The following CYP27C1 variants were observed in gnomAD, a reference collection of about 807,000 sequenced individuals.
CYP27C1 encodes the protein cytochrome P450 family 27 subfamily C member 1, also known as cytochrome P450 27C1.
Under a neutral mutation model 40.6 loss-of-function variants are expected in CYP27C1, and 29 were observed. The ratio of observed to expected loss-of-function variants is 0.71; its 90% CI spans 0.53 to 0.97. CYP27C1 has a LOEUF of 0.97. Among genes scored for constraint, CYP27C1 ranks in the 50% least tolerant of loss-of-function variants. The pLI, the probability that CYP27C1 is intolerant of heterozygous loss-of-function variation, is 0.00. For synonymous variants in CYP27C1, 198 were observed against 186.8 expected (o/e 1.06, Z -0.49); for missense variants, 390 against 485.8 (o/e 0.80, Z 1.85).
chr2:127,208,604 C>G lies in CYP27C1; in HGVS notation c.283-2514G>C, dbSNP rs1344346385. Among the ~76,000 whole-genome samples, 1 of 152,240 alleles carries G rather than the reference C, an allele frequency of 6.6e-6. No individual in the cohort carries two copies. Among genetic ancestry groups the G allele is most frequent in the Non-Finnish European group, 1.5e-5 (1 of 68,042 alleles). ...GACTCACAACTGCCAACAGGCTAAG[C>G]TCCCTGGGTTGGGGAAGGGTGGCAC... is the stretch of plus-strand genomic sequence containing the variant. On this transcript the variant is annotated intron_variant, in intron 1 of 8. Coordinates refer to ENST00000664447, the MANE Select transcript of CYP27C1 (RefSeq NM_001367502.1). This position sits in a 1 kb window ranked among gnomAD's most constrained non-coding sequence, Gnocchi z 5.2.
In CYP27C1 at chr2:127,195,935, C is replaced by T. The variant is rs577677832; in HGVS notation, c.1048-434G>A. On this transcript the variant is annotated intron_variant, in intron 5 of 8. Coordinates refer to ENST00000664447, the MANE Select transcript of CYP27C1 (RefSeq NM_001367502.1). The surrounding 1 kb of genome is among the most constrained non-coding windows in gnomAD (Gnocchi z 6.2). ...CCCGGCATCCCCAGGATGCTGGGCC[C>T]GGCCCACTCTGGCTGCCCTAATCTA... 7.9e-5 allele frequency among the ~76,000 whole-genome samples: 12 copies of T among 152,316 alleles called. No homozygotes were observed. Among genetic ancestry groups the T allele is most frequent in the African/African-American group, 2.4e-4 (10 of 41,584 alleles).
In CYP27C1 at chr2:127,196,840, G is replaced by C. The variant is rs1448907411; in HGVS notation, c.1048-1339C>G. ...TTCTTCTGAGTGCAGGAAGCCAGATGGAAAAGACAGCATGCTATATGATTC... is the reference window on the plus strand; with the variant it reads ...TTCTTCTGAGTGCAGGAAGCCAGATCGAAAAGACAGCATGCTATATGATTC... On this transcript the variant is annotated intron_variant, in intron 5 of 8. Coordinates refer to ENST00000664447, the MANE Select transcript of CYP27C1 (RefSeq NM_001367502.1). This position sits in a 1 kb window ranked among gnomAD's most constrained non-coding sequence, Gnocchi z 4.5. 1.3e-5 allele frequency among the ~76,000 whole-genome samples: 2 copies of C among 152,134 alleles called. No homozygotes were observed. The highest frequency in any genetic ancestry group is 4.8e-5 in the African/African-American group (2 of 41,418).
At position 127,209,583 on chromosome 2, in the gene CYP27C1, G is replaced by T. The variant is rs1235679831; in HGVS notation, c.283-3493C>A. On this transcript the variant is annotated intron_variant, in intron 1 of 8. Transcript: ENST00000664447. This position sits in a 1 kb window ranked among gnomAD's most constrained non-coding sequence, Gnocchi z 4.1. ...AAACTGCGATGACCTAAAGGAGCAT[G>T]TTCTAACACAATGCAAAGAAGCTAA... Among the ~76,000 whole-genome samples the T allele has an allele frequency of 2.6e-5, 4 of 152,300 alleles. No homozygotes were observed. The highest frequency in any genetic ancestry group is 5.9e-5 in the Non-Finnish European group (4 of 68,034).
chr2:127,204,236 A>G (rs1020521289), intron 2 of CYP27C1, among the ~76,000 whole-genome samples: 1 of 146,936 alleles, frequency 6.8e-6, no homozygotes, highest in Admixed American at 6.9e-5. Context: ...ATTGCACTCC[A>G]GCCTAGGCGA....
Position 127,209,343 on chromosome 2 carries a change from C to G in CYP27C1, c.283-3253G>C, listed in dbSNP as rs914017390. Among the ~76,000 whole-genome samples, 1 of 152,152 alleles carries G rather than the reference C, an allele frequency of 6.6e-6. No homozygotes were observed. Among genetic ancestry groups the G allele is most frequent in the Non-Finnish European group, 1.5e-5 (1 of 68,032 alleles). ...TAACAACAACAAAAAAAGGCCCCCA[C>G]AAAAACCCCATCCAAGGGTCAGCAG... On this transcript the variant is annotated intron_variant, in intron 1 of 8. Coordinates refer to ENST00000664447, the MANE Select transcript of CYP27C1 (RefSeq NM_001367502.1). This position sits in a 1 kb window ranked among gnomAD's most constrained non-coding sequence, Gnocchi z 4.1.
At position 127,193,121 on chromosome 2, in the gene CYP27C1, T is replaced by C. The variant is rs748352822; in HGVS notation, c.1470A>G (p.Glu490=). Reference sequence around the variant, plus strand: ...GGATCACGACGAGGTGAATCTCCAGTTCTGCAATTCTCCGCCCTATGCAGC... The same window carrying C: ...GGATCACGACGAGGTGAATCTCCAGCTCTGCAATTCTCCGCCCTATGCAGC... ...VRSCIGRRIA[E]LEIHLVVIQL... The change falls in exon 8 of 9, where the codon GAA becomes GAG. Residue 490 remains glutamate, a synonymous_variant. Coordinates refer to ENST00000664447, the MANE Select transcript of CYP27C1 (RefSeq NM_001367502.1). 6.2e-7 allele frequency: 1 copy of C among 1,614,170 alleles called. No individual in the cohort carries two copies. The highest frequency in any genetic ancestry group is 8.5e-7 in the Non-Finnish European group (1 of 1,180,036).
rs879597755 is a variant in CYP27C1 at position 127,200,701 on chromosome 2, CT to C, written c.883+420del. 1.3e-5 allele frequency among the ~76,000 whole-genome samples: 2 copies of C among 152,206 alleles called. No individual in the cohort carries two copies. Among genetic ancestry groups the C allele is most frequent in the Non-Finnish European group, 2.9e-5 (2 of 68,034 alleles). On this transcript the variant is annotated intron_variant, in intron 4 of 8. Coordinates refer to ENST00000664447, the MANE Select transcript of CYP27C1 (RefSeq NM_001367502.1). This position sits in a 1 kb window ranked among gnomAD's most constrained non-coding sequence, Gnocchi z 4.2. ...CCATGGCCAGGCGTGGTGGCTCACA[CT>C]TGTAATCCCAGCACTTTAGGAGGTC...
chr2:127,214,733 G>A lies in CYP27C1; in HGVS notation c.282+5256C>T, dbSNP rs370629080. ...GGTGCAGCAAACCACCATGGTGCAC[G>A]TACACCTATGTAACAAACCTGCATG... On this transcript the variant is annotated intron_variant, in intron 1 of 8. Coordinates refer to ENST00000664447, the MANE Select transcript of CYP27C1 (RefSeq NM_001367502.1). Among the ~76,000 whole-genome samples, 12 of 148,166 alleles carry A rather than the reference G, an allele frequency of 8.1e-5. 1 individual carries two copies. Among genetic ancestry groups the A allele is most frequent in the Non-Finnish European group, 1.5e-5 (1 of 67,520 alleles).
Position 127,204,561 on chromosome 2 carries a change from GAAAGAAAGAAAGAA to G in CYP27C1, c.474-1004_474-991del, listed in dbSNP as rs1683169920. 1.6e-3 allele frequency among the ~76,000 whole-genome samples: 91 copies of G among 56,088 alleles called. 1 individual carries two copies. The highest frequency in any genetic ancestry group is 5.9e-3 in the Middle Eastern group (1 of 170). The allele number at this position is 56,088 out of a possible 152,430, so 36.8% of individuals were successfully genotyped here. A position where few individuals can be genotyped will look rare whatever the true frequency, so the allele number is the denominator to read the frequency against. ...AGAGAGAGAGAGAGAGAGAGAGAAA[GAAAGAAAGAAAGAA>G]AGAAAGAAAGAAAGAAAGAAAGAAA... On this transcript the variant is annotated intron_variant, in intron 2 of 8. Transcript: ENST00000664447.
chr2:127,204,961 T>G (rs1683191855), intron 2 of CYP27C1, among the ~76,000 whole-genome samples: 1 of 152,172 alleles, frequency 6.6e-6, no homozygotes, highest in African/African-American at 2.4e-5. Context: ...CAGATGGACT[T>G]TGGAGGACCC....
chr2:127,191,652 A>G (rs904908902), intron 8 of CYP27C1, among the ~76,000 whole-genome samples: 1 of 152,232 alleles, frequency 6.6e-6, no homozygotes, highest in African/African-American at 2.4e-5. Context: ...TCACACACCT[A>G]TCAGGCAGGG....
rs111989930 is a variant in CYP27C1 at position 127,202,990 on chromosome 2, A to T, written c.673+382T>A. On this transcript the variant is annotated intron_variant, in intron 3 of 8. Transcript: ENST00000664447. Reference sequence around the variant, plus strand: ...GAGACCAGCCTTGCCAACATGGTGAAACACTGTCTCTACTAAAAATACAAA... The same window carrying T: ...GAGACCAGCCTTGCCAACATGGTGATACACTGTCTCTACTAAAAATACAAA... 3.7e-3 allele frequency among the ~76,000 whole-genome samples: 570 copies of T among 152,134 alleles called. 1 individual carries two copies. Among genetic ancestry groups the T allele is most frequent in the African/African-American group, 0.013 (533 of 41,494 alleles).
At chr2:127,194,488 T>C (rs1682857674) in intron 6 of CYP27C1, among the ~76,000 whole-genome samples, 1 of 152,148 alleles carries the variant, frequency 6.6e-6, no homozygotes, top group Admixed American at 6.6e-5. Flanking sequence ...GGAAGGGATG[T>C]AATCCGTCCC....
intron 2 of CYP27C1, 84 bp downstream of exon 2, chr2:127,205,816 T>G: frequency 1.1e-6 from 1 of 949,596 alleles, no homozygotes; most frequent in Non-Finnish European, 1.3e-6. Context: ...AAGAGCTGGC[T>G]TTTAGGAACT....
intron 8 of CYP27C1, among the ~76,000 whole-genome samples, chr2:127,187,625 A>G (rs1682661386): frequency 6.6e-6 from 1 of 152,260 alleles, no homozygotes; most frequent in African/African-American, 2.4e-5. Flanking sequence ...GCAGCTGGGC[A>G]GCCGGTGGGA....
chr2:127,213,888 G>A (rs1316438469), intron 1 of CYP27C1, among the ~76,000 whole-genome samples: 1 of 152,118 alleles, frequency 6.6e-6, no homozygotes, highest in Non-Finnish European at 1.5e-5. Context: ...TACAGAATGG[G>A]AGAAAGTTTT....
chr2:127,186,404 TA>T lies in CYP27C1; in HGVS notation c.*866del, dbSNP rs1682626102. 1 of 151,090 alleles carries T rather than the reference TA, an allele frequency of 6.6e-6. No homozygotes were observed. The highest frequency in any genetic ancestry group is 2.5e-5 in the African/African-American group (1 of 40,690). 9.4% of individuals were successfully genotyped at this position (151,090 alleles called of 1,614,324 possible). On this transcript the variant is annotated 3_prime_UTR_variant, in exon 9 of 9. Coordinates refer to ENST00000664447, the MANE Select transcript of CYP27C1 (RefSeq NM_001367502.1). The surrounding 1 kb of genome is among the most constrained non-coding windows in gnomAD (Gnocchi z 4.5). Reference sequence around the variant, plus strand: ...TATTTTATTTTATTTTATTTTATTTTATTTTATTTTTGAGAAAGGGTCTCAC... The same window carrying T: ...TATTTTATTTTATTTTATTTTATTTTTTTTATTTTTGAGAAAGGGTCTCAC...
chr2:127,194,222 A>G (rs193014564), intron 6 of CYP27C1, among the ~76,000 whole-genome samples: 2 of 152,338 alleles, frequency 1.3e-5, no homozygotes, highest in East Asian at 1.9e-4. Context: ...TTAAGGCCCC[A>G]TGAAATGCAT....
At chr2:127,216,208 G>A (rs1683427123) in intron 1 of CYP27C1, among the ~76,000 whole-genome samples, 1 of 152,148 alleles carries the variant, frequency 6.6e-6, no homozygotes, top group Non-Finnish European at 1.5e-5. Context: ...CAAGAGAAAT[G>A]AAAACACATG....
Sources: gnomAD v4.1 joint callset for allele counts (sites outside exome capture counted in the v4.1 genomes callset) on GRCh38, gnomAD v4.1.1 for gene constraint, Gnocchi (gnomAD v3.1) non-coding constraint, MANE v1.5 for transcripts, NCBI Gene and HGNC (gene_info 2026-07-23, HGNC 2026-07-21) for gene names.